TAMM41: variants seen among roughly 807,000 people sequenced by gnomAD.
The protein encoded by TAMM41 is phosphatidate cytidylyltransferase, mitochondrial.
In TAMM41, 36 loss-of-function variants were observed where a neutral mutation model predicts 44.1. The ratio of observed to expected loss-of-function variants is 0.82; its 90% CI spans 0.63 to 1.08. The LOEUF is 1.08. Among genes scored for constraint, TAMM41 ranks in the 50% least tolerant of loss-of-function variants. TAMM41 has a pLI of 0.00. For synonymous variants in TAMM41, 164 were observed against 153.1 expected, an observed-to-expected ratio of 1.07 and a Z score of -0.53; for missense variants, 417 against 404.3, an observed-to-expected ratio of 1.03 and a Z score of -0.27.
chr3:11,806,165 T>C (rs2077903359), intron 7 of TAMM41, among the ~76,000 whole-genome samples: 1 of 152,236 alleles, frequency 6.6e-6, no homozygotes, highest in Admixed American at 6.5e-5. Flanking sequence ...GTCTGAGGTA[T>C]GTCTTTATTA....
the TAMM41 span, among the ~76,000 whole-genome samples, chr3:11,783,403 T>C: frequency 6.6e-6 from 1 of 151,586 alleles, no homozygotes; most frequent in Non-Finnish European, 1.5e-5. Context: ...CCACCTTTGG[T>C]CACCAAATCC....
intron 3 of TAMM41, among the ~76,000 whole-genome samples, chr3:11,836,192 T>G (rs528312871): frequency 6.6e-6 from 1 of 152,200 alleles, no homozygotes; most frequent in East Asian, 1.9e-4. Context: ...GGTTTTGCCA[T>G]GTTGTCCAGG....
the TAMM41 span, among the ~76,000 whole-genome samples, chr3:11,769,158 G>A: frequency 3.3e-5 from 5 of 152,190 alleles, no homozygotes; most frequent in Non-Finnish European, 7.4e-5. Context: ...GTGTGATCTT[G>A]GCTCACTGCA....
the TAMM41 span, among the ~76,000 whole-genome samples, chr3:11,750,591 T>C: frequency 6.6e-6 from 1 of 152,148 alleles, no homozygotes; most frequent in African/African-American, 2.4e-5. Context: ...ATTACAGGTG[T>C]GAGCCACTGC....
the TAMM41 span, among the ~76,000 whole-genome samples, chr3:11,745,253 C>T: frequency 6.6e-6 from 1 of 152,178 alleles, no homozygotes; most frequent in Admixed American, 6.5e-5. Flanking sequence ...ATCACTTGAG[C>T]ACAGGAGGCC....
the TAMM41 span, among the ~76,000 whole-genome samples, chr3:11,728,052 G>A: frequency 1.4e-3 from 215 of 152,014 alleles, no homozygotes; most frequent in African/African-American, 5.1e-3. Context: ...CTCCCAAAGC[G>A]CTGGGATTAC....
At chr3:11,799,546 T>C (rs1020176085) in intron 7 of TAMM41, among the ~76,000 whole-genome samples, 7 of 152,248 alleles carry the variant, frequency 4.6e-5, no homozygotes, top group African/African-American at 1.7e-4. Flanking sequence ...CCATGCTTTA[T>C]GTCACCTCAG....
chr3:11,809,460 C>T, intron 6 of TAMM41, 57 bp downstream of exon 6: 1 of 1,594,406 alleles, frequency 6.3e-7, no homozygotes, highest in South Asian at 1.1e-5. Context: ...CAATCACAAA[C>T]AAAGTCTGCT....
the TAMM41 span, among the ~76,000 whole-genome samples, chr3:11,729,530 C>T: frequency 0.034 from 1,790 of 52,652 alleles, 153 homozygotes; most frequent in East Asian, 0.13. Context: ...TCTTTCTTTT[C>T]TTTCTTTCAT....
chr3:11,723,284 A>T, the TAMM41 span, among the ~76,000 whole-genome samples: 6 of 152,068 alleles, frequency 3.9e-5, no homozygotes, highest in African/African-American at 1.4e-4. Context: ...GTTCTCTATT[A>T]AAATAACTAC....
the TAMM41 span, among the ~76,000 whole-genome samples, chr3:11,769,668 T>C: frequency 6.6e-6 from 1 of 152,266 alleles, no homozygotes; most frequent in Non-Finnish European, 1.5e-5. Context: ...AACTCCTATA[T>C]TAGACTAAGG....
chr3:11,791,658 G>A (rs1311992802), intron 7 of TAMM41, among the ~76,000 whole-genome samples: 1 of 152,184 alleles, frequency 6.6e-6, no homozygotes, highest in Non-Finnish European at 1.5e-5. Flanking sequence ...TAGCACTGGG[G>A]TTTGAGTGAT....
At position 11,824,951 on chromosome 3, in the gene TAMM41, T is replaced by G. The variant is rs376065770; in HGVS notation, c.562+4763A>C. On this transcript the variant is annotated intron_variant, in intron 4 of 7. Transcript: ENST00000455809. ...GAAGGCCTCCATGATAAGCCAGAACTGAGGCCCACTGGGGTGGGTGTGGGG... is the reference window on the plus strand; with the variant it reads ...GAAGGCCTCCATGATAAGCCAGAACGGAGGCCCACTGGGGTGGGTGTGGGG... 2.6e-5 allele frequency among the ~76,000 whole-genome samples: 4 copies of G among 152,084 alleles called. 1 individual carries two copies. The East Asian group carries it at 5.8e-4, about 22-fold the overall frequency.
intron 7 of TAMM41, among the ~76,000 whole-genome samples, chr3:11,793,045 G>A (rs574681447): frequency 4.4e-5 from 5 of 112,368 alleles, no homozygotes; most frequent in African/African-American, 1.8e-4. Flanking sequence ...TGGCCACAGA[G>A]CAAGGCCCCA....
At chr3:11,814,629 A>C (rs2124976203) in intron 5 of TAMM41, among the ~76,000 whole-genome samples, 1 of 152,286 alleles carries the variant, frequency 6.6e-6, no homozygotes, top group African/African-American at 2.4e-5. Flanking sequence ...ATAATAAAAA[A>C]AATTCCTTAG....
the TAMM41 span, among the ~76,000 whole-genome samples, chr3:11,754,129 C>G: frequency 6.6e-6 from 1 of 152,100 alleles, no homozygotes; most frequent in Non-Finnish European, 1.5e-5. Flanking sequence ...CCCTGCTCCT[C>G]GGCTATGGAC....
chr3:11,731,000 C>T, the TAMM41 span, among the ~76,000 whole-genome samples: 1 of 152,126 alleles, frequency 6.6e-6, no homozygotes, highest in Non-Finnish European at 1.5e-5. Context: ...GCCTCTATTT[C>T]CTCACCTATA....
the TAMM41 span, among the ~76,000 whole-genome samples, chr3:11,725,497 G>A: frequency 6.7e-6 from 1 of 148,398 alleles, no homozygotes; most frequent in Non-Finnish European, 1.5e-5. Flanking sequence ...GGAGTGAAGT[G>A]GTACAATCTC....
chr3:11,741,997 A>G, the TAMM41 span, among the ~76,000 whole-genome samples: 39 of 150,188 alleles, frequency 2.6e-4, no homozygotes, highest in Non-Finnish European at 5.4e-4. Flanking sequence ...TGCTCAGAAC[A>G]GCAATCGGTT....
Sources: allele counts gnomAD v4.1 joint callset (sites outside exome capture counted in the v4.1 genomes callset), GRCh38; gene constraint gnomAD v4.1.1; transcripts MANE v1.5; gene names NCBI Gene and HGNC (gene_info 2026-07-23, HGNC 2026-07-21).